KLRD1: variants seen among roughly 807,000 people sequenced by gnomAD.
KLRD1 encodes the protein natural killer cells antigen CD94.
KLRD1 carries 21 observed loss-of-function variants against 22.6 expected under a neutral mutation model. That is an observed-to-expected ratio of 0.93 (90% CI 0.66 to 1.34). KLRD1 has a LOEUF of 1.34. Among genes scored for constraint, KLRD1 ranks in the 40% most tolerant of loss-of-function variants. The pLI is 0.00. For synonymous variants in KLRD1, 59 were observed against 71.1 expected (o/e 0.83, Z 0.85); for missense variants, 183 against 208.6 (o/e 0.88, Z 0.76).
In KLRD1 at chr12:10,319,458, A is replaced by C. The variant is rs150395619; in HGVS notation, c.*4665A>C. 1 of 152,342 alleles carries C rather than the reference A, an allele frequency of 6.6e-6. No individual in the cohort carries two copies. Among genetic ancestry groups the C allele is most frequent in the African/African-American group, 2.4e-5 (1 of 41,580 alleles). 9.4% of individuals were successfully genotyped at this position (152,342 alleles called of 1,614,324 possible). A position where few individuals can be genotyped will look rare whatever the true frequency, so the allele number is the denominator to read the frequency against. On this transcript the variant is annotated 3_prime_UTR_variant, in exon 6 of 6. Coordinates refer to ENST00000336164, the MANE Select transcript of KLRD1 (RefSeq NM_002262.5). ...TGGAATTTCTTTCCACATTGTATCA[A>C]GGTTGCTCTGTGTGACCAATGAAAT...
chr12:10,287,796 G>A lies in KLRD1; in HGVS notation c.-100-20182G>A, dbSNP rs187873871. Among the ~76,000 whole-genome samples the A allele has an allele frequency of 4.6e-5, 7 of 152,238 alleles. No individual in the cohort carries two copies. In the East Asian group the frequency reaches 5.8e-4, roughly 13 times the overall value. On this transcript the variant is annotated intron_variant, in intron 1 of 5. Coordinates refer to the KLRD1 transcript ENST00000544747. ...CTCTGTAAGAAAGATCAGGCCAGGC[G>A]CAGTGGCTCATGCCTGTAATCCCAG...
intron 1 of KLRD1, among the ~76,000 whole-genome samples, chr12:10,243,744 T>A (rs1430739976): frequency 6.6e-6 from 1 of 151,018 alleles, no homozygotes; most frequent in East Asian, 2.0e-4. Context: ...CGAACTAGGA[T>A]AAGAAGTGTG....
intron 1 of KLRD1, among the ~76,000 whole-genome samples, chr12:10,287,761 G>A (rs904611554): frequency 7.2e-5 from 11 of 151,956 alleles, no homozygotes; most frequent in African/African-American, 1.9e-4. Flanking sequence ...GTCTAAATAC[G>A]GATTTTTACC....
intron 1 of KLRD1, among the ~76,000 whole-genome samples, chr12:10,263,447 C>T (rs1949472018): frequency 6.6e-6 from 1 of 151,946 alleles, no homozygotes; most frequent in South Asian, 2.1e-4. Context: ...ATGAATCTGG[C>T]ACTAGAGATG....
At position 10,315,998 on chromosome 12, in the gene KLRD1, A is replaced by G. The variant is rs1223075488; in HGVS notation, c.*1205A>G. The G allele has an allele frequency of 2.0e-5, 3 of 151,796 alleles. No homozygotes were observed. The highest frequency in any genetic ancestry group is 4.4e-5 in the Non-Finnish European group (3 of 68,024). 9.4% of individuals were successfully genotyped at this position (151,796 alleles called of 1,614,324 possible). On this transcript the variant is annotated 3_prime_UTR_variant, in exon 6 of 6. Transcript: ENST00000336164. ...CTGGGTGTGGTAGTGCACACCTGTA[A>G]TCCCAGCTATTTGGGAGGCTGAGTC...
Position 10,262,747 on chromosome 12 carries a change from A to C in KLRD1, c.-101+36514A>C, listed in dbSNP as rs79987948. ...AAAGAGAATACTATTATCATTTTCA[A>C]ACATTTGGGATGGCAAATAAAACAG... On this transcript the variant is annotated intron_variant, in intron 1 of 5. Coordinates refer to the KLRD1 transcript ENST00000544747. Among the ~76,000 whole-genome samples, 561 of 152,156 alleles carry C rather than the reference A, an allele frequency of 3.7e-3. 2 individuals are homozygous for C. The highest frequency in any genetic ancestry group is 0.012 in the African/African-American group (507 of 41,548).
intron 1 of KLRD1, among the ~76,000 whole-genome samples, chr12:10,270,236 A>G (rs1337345518): frequency 6.6e-6 from 1 of 152,250 alleles, no homozygotes; most frequent in African/African-American, 2.4e-5. Flanking sequence ...AATTACTTGT[A>G]TATAATTAAA....
chr12:10,290,180 T>C lies in KLRD1; in HGVS notation c.-100-17798T>C, dbSNP rs554516056. On this transcript the variant is annotated intron_variant, in intron 1 of 5. Coordinates refer to the KLRD1 transcript ENST00000544747. ...CGCCCAAAATATAACTGCAAAGGCA[T>C]TGGACAACGTAAATTAAAATGGTAT... 5.7e-4 allele frequency among the ~76,000 whole-genome samples: 87 copies of C among 152,322 alleles called. 1 individual carries two copies. Among genetic ancestry groups the C allele is most frequent in the African/African-American group, 1.9e-3 (80 of 41,572 alleles).
chr12:10,322,077 C>T lies in KLRD1; in HGVS notation c.*7284C>T, dbSNP rs1171657109. 6.6e-6 allele frequency: 1 copy of T among 152,324 alleles called. No individual in the cohort carries two copies. The highest frequency in any genetic ancestry group is 2.4e-5 in the African/African-American group (1 of 41,436). 9.4% of individuals were successfully genotyped at this position (152,324 alleles called of 1,614,324 possible). ...TTATTTATTTATTGAGATGGAGTCT[C>T]ACTCTGTCACCCAGGCTGGAGTGCA... On this transcript the variant is annotated 3_prime_UTR_variant, in exon 6 of 6. Coordinates refer to ENST00000336164, the MANE Select transcript of KLRD1 (RefSeq NM_002262.5).
intron 1 of KLRD1, among the ~76,000 whole-genome samples, chr12:10,287,206 G>A (rs572938206): frequency 6.6e-6 from 1 of 152,098 alleles, no homozygotes; most frequent in South Asian, 2.1e-4. Flanking sequence ...TAAAAACCGT[G>A]GTGAAACTGT....
upstream of KLRD1, among the ~76,000 whole-genome samples, chr12:10,302,814 A>G (rs1488345698): frequency 2.0e-5 from 3 of 151,922 alleles, no homozygotes; most frequent in African/African-American, 4.8e-5. Flanking sequence ...TATTGATGCT[A>G]TCTATAGGAG....
upstream of KLRD1, among the ~76,000 whole-genome samples, chr12:10,307,451 T>C (rs1949950493): frequency 6.6e-6 from 1 of 152,124 alleles, no homozygotes; most frequent in Admixed American, 6.5e-5. Context: ...CTTGGGCAAA[T>C]TACTTAGCTC....
chr12:10,313,275 A>G, intron 4 of KLRD1, 135 bp from the exon 5 acceptor site: 1 of 496,852 alleles, frequency 2.0e-6, no homozygotes, highest in Non-Finnish European at 3.6e-6. Flanking sequence ...CCTTTTAAAT[A>G]GGAAGTTAAA....
intron 1 of KLRD1, among the ~76,000 whole-genome samples, chr12:10,244,232 TA>T: frequency 6.6e-6 from 1 of 151,924 alleles, no homozygotes; most frequent in South Asian, 2.1e-4. Flanking sequence ...AACTGGAACA[TA>T]AAAGAAAAGA....
intron 1 of KLRD1, among the ~76,000 whole-genome samples, chr12:10,254,556 A>T (rs12832221): frequency 0.068 from 10,269 of 152,060 alleles, 418 homozygotes; most frequent in East Asian, 0.17. Context: ...GAAGGAACTT[A>T]AACAAATCTA....
intron 1 of KLRD1, among the ~76,000 whole-genome samples, chr12:10,289,115 G>T (rs1340294681): frequency 2.0e-5 from 3 of 152,148 alleles, no homozygotes; most frequent in African/African-American, 7.2e-5. Context: ...CCACTTCACT[G>T]ACACTTAGTG....
Position 10,320,294 on chromosome 12 carries a change from C to T in KLRD1, c.*5501C>T, listed in dbSNP as rs1218713089. 1.3e-5 allele frequency: 2 copies of T among 149,302 alleles called. No homozygotes were observed. Among genetic ancestry groups the T allele is most frequent in the East Asian group, 1.9e-4 (1 of 5,148 alleles). 9.2% of individuals were successfully genotyped at this position (149,302 alleles called of 1,614,324 possible). Reference sequence around the variant, plus strand: ...AAAAAACCACTAAAATTTTGGAGTGCTTGAAAACAGGCAGTGGATGGAGGC... The same window carrying T: ...AAAAAACCACTAAAATTTTGGAGTGTTTGAAAACAGGCAGTGGATGGAGGC... On this transcript the variant is annotated 3_prime_UTR_variant, in exon 6 of 6. Coordinates refer to ENST00000336164, the MANE Select transcript of KLRD1 (RefSeq NM_002262.5).
At chr12:10,311,951 A>C (rs552055249) in intron 4 of KLRD1, among the ~76,000 whole-genome samples, 122 of 152,096 alleles carry the variant, frequency 8.0e-4, no homozygotes, top group African/African-American at 2.9e-3. Flanking sequence ...TTTTAATTGA[A>C]TTTATAATAT....
At chr12:10,244,957 A>T (rs528773484) in intron 1 of KLRD1, among the ~76,000 whole-genome samples, 27 of 152,260 alleles carry the variant, frequency 1.8e-4, no homozygotes, top group African/African-American at 6.3e-4. Flanking sequence ...GCTTTGTGTA[A>T]AGCATTTGCG....
Sources: gnomAD v4.1 joint callset for allele counts (sites outside exome capture counted in the v4.1 genomes callset) on GRCh38, gnomAD v4.1.1 for gene constraint, MANE v1.5 for transcripts, NCBI Gene and HGNC (gene_info 2026-07-23, HGNC 2026-07-21) for gene names.